TCEAL4: variants seen among roughly 807,000 people sequenced by gnomAD.
TCEAL4 encodes the protein transcription elongation factor A protein-like 4.
TCEAL4 carries 1 observed loss-of-function variant against 1.3 expected under a neutral mutation model. The ratio of observed to expected loss-of-function variants is 0.79; its 90% confidence interval spans 0.28 to 3.76. The LOEUF (loss-of-function observed/expected upper bound fraction) is 3.76, where lower values mean the gene tolerates loss of function less well. Ranked by LOEUF, TCEAL4 falls within the 30% of genes most tolerant of loss-of-function variation. TCEAL4 has a pLI of 0.18. For missense variants in TCEAL4, 129 were observed against 154.7 expected (o/e 0.83, Z 0.88); for synonymous variants, 54 against 50.7 (o/e 1.06, Z -0.28).
At chrX:103,584,502 A>C (rs1011991362), upstream of TCEAL4, among the ~76,000 whole-genome samples, 1 of 111,875 alleles carries the variant, frequency 8.9e-6, no homozygotes, top group African/African-American at 3.3e-5. Flanking sequence ...GTATAACTAC[A>C]CTCTACGATG....
chrX:103,579,611 A>G (rs1036115119), intron 2 of TCEAL4, among the ~76,000 whole-genome samples: 5 of 112,274 alleles, frequency 4.5e-5, no homozygotes, highest in African/African-American at 1.3e-4. Context: ...ATTTTTGTAT[A>G]TCAATCATAT....
chrX:103,581,595 A>T (rs145528638), upstream of TCEAL4, among the ~76,000 whole-genome samples: 2 of 111,767 alleles, frequency 1.8e-5, no homozygotes, highest in Non-Finnish European at 3.8e-5. Context: ...AACATATGCA[A>T]ATCAATAAAT....
upstream of TCEAL4, among the ~76,000 whole-genome samples, chrX:103,584,217 C>T (rs1208581144): frequency 9.0e-6 from 1 of 111,329 alleles, no homozygotes; most frequent in Non-Finnish European, 1.9e-5. Context: ...TGTGAGCCAC[C>T]GTGCCTGGCC....
At chrX:103,585,212 C>G (rs1478708047), upstream of TCEAL4, among the ~76,000 whole-genome samples, 1 of 110,967 alleles carries the variant, frequency 9.0e-6, no homozygotes, top group African/African-American at 3.3e-5. Flanking sequence ...ATATTCTATT[C>G]TTTATACAGT....
rs1469643193 is a variant in TCEAL4 at position 103,587,373 on chromosome X, A to C, written c.*50A>C. ...CCATGTGCTTTAACGTTACGGTAAT[A>C]CTTTACTTTAGGCATCCCTCCTGTT... On this transcript the variant is annotated 3_prime_UTR_variant, in exon 3 of 3. Coordinates refer to ENST00000472484, the MANE Select transcript of TCEAL4 (RefSeq NM_001006935.3). The C allele has an allele frequency of 4.4e-6, 5 of 1,127,844 alleles. No homozygotes were observed. Among genetic ancestry groups the C allele is most frequent in the Non-Finnish European group, 5.8e-6 (5 of 855,148 alleles). 92.9% of individuals were successfully genotyped at this position (1,127,844 alleles called of 1,213,427 possible). A position where few individuals can be genotyped will look rare whatever the true frequency, so the allele number is the denominator to read the frequency against.
intron 2 of TCEAL4, among the ~76,000 whole-genome samples, chrX:103,579,939 T>C (rs1231686279): frequency 8.9e-6 from 1 of 112,534 alleles, no homozygotes; most frequent in Non-Finnish European, 1.9e-5. Flanking sequence ...GGTGTGTTAG[T>C]GGGCTTTCTT....
Position 103,587,463 on chromosome X carries a change from G to A in TCEAL4, c.*140G>A, listed in dbSNP as rs2073568370. 2 of 738,619 alleles carry A rather than the reference G, an allele frequency of 2.7e-6. No homozygotes were observed. Among genetic ancestry groups the A allele is most frequent in the Non-Finnish European group, 3.7e-6 (2 of 542,782 alleles). The allele number at this position is 738,619 out of a possible 1,213,427, so 60.9% of individuals were successfully genotyped here. ...AGTAGGAAATGTTCATCTGTTACAT[G>A]GAAAAAATGTTGATGGTGCATTGTA... On this transcript the variant is annotated 3_prime_UTR_variant, in exon 3 of 3. Transcript: ENST00000472484.
At position 103,586,792 on chromosome X, in the gene TCEAL4, G is replaced by A. The variant is rs1245813495; in HGVS notation, c.117G>A (p.Lys39=). Residue 39 remains lysine, a synonymous_variant, in exon 3 of 3, where the codon AAG becomes AAA. Coordinates refer to ENST00000472484, the MANE Select transcript of TCEAL4 (RefSeq NM_001006935.3). ...KPEVTCTLED[K]KLENEGKTEN... ...AAGTAACTTGTACTCTGGAAGACAAGAAGTTAGAAAACGAGGGAAAGACAG... is the reference window on the plus strand; with the variant it reads ...AAGTAACTTGTACTCTGGAAGACAAAAAGTTAGAAAACGAGGGAAAGACAG... The A allele has an allele frequency of 4.1e-6, 5 of 1,211,035 alleles. No individual in the cohort carries two copies. The highest frequency in any genetic ancestry group is 4.5e-6 in the Non-Finnish European group (4 of 895,121).
upstream of TCEAL4, among the ~76,000 whole-genome samples, chrX:103,582,322 C>T (rs1569389483): frequency 1.8e-5 from 2 of 111,713 alleles, no homozygotes; most frequent in East Asian, 5.6e-4. Flanking sequence ...ATGAAAATGG[C>T]CATACTGCCC....
chrX:103,585,570 G>T lies in TCEAL4; in HGVS notation c.-155G>T. ...GTGCCTGCCCTCTGTCCCCGCGGCT[G>T]GGTCTCGTCTGCTCCGGTTCCTGGG... On this transcript the variant is annotated 5_prime_UTR_variant, in exon 1 of 3. Transcript: ENST00000472484. 3.4e-6 allele frequency: 4 copies of T among 1,164,105 alleles called. No individual in the cohort carries two copies. Among genetic ancestry groups the T allele is most frequent in the Non-Finnish European group, 4.6e-6 (4 of 871,213 alleles).
At chrX:103,581,301 T>C (rs915052783), upstream of TCEAL4, among the ~76,000 whole-genome samples, 1 of 111,682 alleles carries the variant, frequency 9.0e-6, no homozygotes, top group African/African-American at 3.3e-5. Flanking sequence ...AGCTGAATTT[T>C]ACCAGAGGTA....
Position 103,587,164 on chromosome X carries a change from T to C in TCEAL4, c.489T>C (p.Ala163=). ...TGATAAGAGAATTTGACAATATGGC[T>C]AAGGTGCAGGATGAGAAGAGAAAAA... ...EDMIREFDNM[A]KVQDEKRKSK... The change falls in exon 3 of 3, where the codon GCT becomes GCC. Residue 163 remains alanine, a synonymous_variant. Transcript: ENST00000472484. 1.7e-6 allele frequency: 2 copies of C among 1,211,217 alleles called. No homozygotes were observed. The highest frequency in any genetic ancestry group is 2.2e-6 in the Non-Finnish European group (2 of 895,389).
At chrX:103,586,497 T>C (rs937042754) in intron 2 of TCEAL4, 152 bp from the exon 3 acceptor site, 5 of 835,295 alleles carry the variant, frequency 6.0e-6, no homozygotes, top group Non-Finnish European at 8.3e-6. Flanking sequence ...GGCTACGTGG[T>C]GGGCAGAAGG....
upstream of TCEAL4, among the ~76,000 whole-genome samples, chrX:103,584,480 C>A (rs2073524880): frequency 8.9e-6 from 1 of 111,841 alleles, no homozygotes; most frequent in African/African-American, 3.3e-5. Context: ...GTAGGCTATA[C>A]CATATAGATT....
intron 1 of TCEAL4, 134 bp from the exon 2 acceptor site, chrX:103,586,085 A>G: frequency 1.8e-6 from 2 of 1,096,269 alleles, no homozygotes; most frequent in Non-Finnish European, 2.4e-6. Context: ...CTGGAAAGAA[A>G]TGGCGGCTGG....
chrX:103,584,538 T>A (rs1341864232), upstream of TCEAL4, among the ~76,000 whole-genome samples: 1 of 112,227 alleles, frequency 8.9e-6, no homozygotes, highest in East Asian at 2.8e-4. Context: ...AATTGCCTGA[T>A]GCATTTCTCA....
chrX:103,580,610 C>T (rs781220831), upstream of TCEAL4, among the ~76,000 whole-genome samples: 145 of 111,123 alleles, frequency 1.3e-3, no homozygotes, highest in African/African-American at 4.6e-3. Context: ...GTGTGCGCCA[C>T]CACACTGGGC....
At chrX:103,580,350 T>C (rs1166269699) in intron 2 of TCEAL4, among the ~76,000 whole-genome samples, 3 of 112,675 alleles carry the variant, frequency 2.7e-5, no homozygotes, top group African/African-American at 9.7e-5. Context: ...ACATTTGTGC[T>C]GTTCCATTTT....
upstream of TCEAL4, among the ~76,000 whole-genome samples, chrX:103,581,196 T>C (rs1247343566): frequency 9.0e-6 from 1 of 111,508 alleles, no homozygotes; most frequent in Non-Finnish European, 1.9e-5. Context: ...ATTGAATCCC[T>C]GAATAGGCCA....
Sources: allele counts gnomAD v4.1 joint callset (sites outside exome capture counted in the v4.1 genomes callset), GRCh38; gene constraint gnomAD v4.1.1; transcripts MANE v1.5; gene names NCBI Gene and HGNC (gene_info 2026-07-23, HGNC 2026-07-21).